Variants in KNSTRN observed in about 807,000 individuals in gnomAD.
KNSTRN encodes the protein kinetochore localized astrin (SPAG5) binding protein, also known as small kinetochore-associated protein.
KNSTRN carries 38 observed loss-of-function variants against 44.7 expected under a neutral mutation model. The ratio of observed to expected loss-of-function variants is 0.85; its 90% confidence interval spans 0.66 to 1.11. The LOEUF is 1.11. Among genes scored for constraint, KNSTRN ranks in the 50% most tolerant of loss-of-function variants. The probability of loss-of-function intolerance (pLI) is 0.00; values close to 1 mark genes in which losing one functional copy is unlikely to be tolerated. For synonymous variants in KNSTRN, 158 were observed against 148.1 expected, an observed-to-expected ratio of 1.07 and a Z score of -0.48; for missense variants, 406 against 375.8, an observed-to-expected ratio of 1.08 and a Z score of -0.66.
rs1347807675 is a variant in KNSTRN at position 40,389,902 on chromosome 15, A to G, written c.658A>G (p.Ile220Val). Residue 220 changes from isoleucine to valine, a missense_variant, in exon 6 of 9, where the codon ATT (isoleucine) becomes GTT (valine). Ile to Val is a conservative substitution (Grantham distance 29). Coordinates refer to ENST00000249776, the MANE Select transcript of KNSTRN (RefSeq NM_033286.4). ...GAAGTTTCGGGACAACTGTTTGGCA[A>G]TTTTGGAGAGCAAGGGCCTTGATCC... is the stretch of plus-strand genomic sequence containing the variant. Reference protein sequence around the residue: ...LEKFRDNCLAILESKGLDPAL... With the variant: ...LEKFRDNCLAVLESKGLDPAL... 2 of 1,614,066 alleles carry G rather than the reference A, an allele frequency of 1.2e-6. No individual in the cohort carries two copies. Among genetic ancestry groups the G allele is most frequent in the African/African-American group, 1.3e-5 (1 of 74,946 alleles).
rs1890042616 is a variant in KNSTRN, at chr15:40,393,661, C to T, written c.*64C>T. 1 of 1,461,550 alleles carries T rather than the reference C, an allele frequency of 6.8e-7. No individual in the cohort carries two copies. The highest frequency in any genetic ancestry group is 9.4e-7 in the Non-Finnish European group (1 of 1,062,846). 90.5% of individuals were successfully genotyped at this position (1,461,550 alleles called of 1,614,324 possible). A position where few individuals can be genotyped will look rare whatever the true frequency, so the allele number is the denominator to read the frequency against. On this transcript the variant is annotated 3_prime_UTR_variant, in exon 9 of 9. Transcript: ENST00000249776. ...AAATCTCAGAGGAAGCTACTTAGGA[C>T]ATCATCTTGGCCATGATCTTCTGGG...
chr15:40,389,502 A>G lies in KNSTRN; in HGVS notation c.486-4A>G. 6.8e-6 allele frequency: 11 copies of G among 1,608,264 alleles called. No individual in the cohort carries two copies. Among genetic ancestry groups the G allele is most frequent in the African/African-American group, 1.3e-5 (1 of 74,920 alleles). On this transcript the variant is annotated splice_region_variant and splice_polypyrimidine_tract_variant and intron_variant, in intron 4 of 8. Transcript: ENST00000249776. ...TTTTCATGTAAGTACAACTATTATTACAGCTACAAACCACTGAGTAAGCAA... is the reference window on the plus strand; with the variant it reads ...TTTTCATGTAAGTACAACTATTATTGCAGCTACAAACCACTGAGTAAGCAA...
chr15:40,393,306 G>C, intron 8 of KNSTRN, 163 bp from the exon 9 acceptor site: 1 of 1,608,948 alleles, frequency 6.2e-7, no homozygotes, highest in Non-Finnish European at 8.5e-7. Context: ...CCTAAAACCA[G>C]TGCATAGAAA....
chr15:40,388,253 G>A (rs144992560), intron 4 of KNSTRN, among the ~76,000 whole-genome samples: 1,882 of 152,312 alleles, frequency 0.012, 37 homozygotes, highest in African/African-American at 0.043. Flanking sequence ...CAGCAAACCA[G>A]TCATTAGCAT....
chr15:40,390,619 CTT>C (rs1049307817), intron 6 of KNSTRN, among the ~76,000 whole-genome samples: 2 of 145,112 alleles, frequency 1.4e-5, no homozygotes, highest in Admixed American at 6.9e-5. Context: ...TGAGGATATT[CTT>C]TTTTTTTTTT....
chr15:40,384,047 C>T, intron 2 of KNSTRN: 1 of 163,666 alleles, frequency 6.1e-6, no homozygotes, highest in South Asian at 1.4e-4. Flanking sequence ...CCAGATGATT[C>T]CACTCAGCTG....
In KNSTRN at chr15:40,383,038, C is replaced by T. The variant is rs1366230070; in HGVS notation, c.203C>T (p.Ala68Val). The change falls in exon 1 of 9, where the codon GCT becomes GTT. Residue 68 changes from alanine to valine, a missense_variant. Transcript: ENST00000249776. ...SEKDCGQDRR[A>V]PGVQPCRLVT... ...AAGGACTGCGGGCAGGACCGGCGGG[C>T]TCCTGGGTTCGGCTCTCCCGGGGCG... 4 of 1,610,312 alleles carry T rather than the reference C, an allele frequency of 2.5e-6. No homozygotes were observed. Among genetic ancestry groups the T allele is most frequent in the African/African-American group, 2.7e-5 (2 of 74,880 alleles).
chr15:40,393,282 C>G, intron 8 of KNSTRN, 187 bp from the exon 9 acceptor site: 6 of 1,607,356 alleles, frequency 3.7e-6, no homozygotes, highest in Non-Finnish European at 5.1e-6. Context: ...CTCTCTACTA[C>G]TAGAGGGACA....
At chr15:40,383,416 G>T in intron 2 of KNSTRN, 94 bp downstream of exon 2, 1 of 961,740 alleles carries the variant, frequency 1.0e-6, no homozygotes, top group Non-Finnish European at 1.6e-6. Flanking sequence ...CACGGGGAAG[G>T]GCGTCCCGTC....
In KNSTRN at chr15:40,392,030, G is replaced by C. The variant is rs1890007317; in HGVS notation, c.822+7G>C. 6.2e-7 allele frequency: 1 copy of C among 1,602,120 alleles called. No homozygotes were observed. Among genetic ancestry groups the C allele is most frequent in the Non-Finnish European group, 8.5e-7 (1 of 1,173,310 alleles). Reference sequence around the variant, plus strand: ...GCAGATGGAGGAGTTACAGGTGAGAGGCAGACATCACCCTGACCATTTCCT... The same window carrying C: ...GCAGATGGAGGAGTTACAGGTGAGACGCAGACATCACCCTGACCATTTCCT... On this transcript the variant is annotated splice_region_variant and intron_variant, in intron 8 of 8. Transcript: ENST00000249776.
chr15:40,386,613 T>C (rs1175218765), intron 3 of KNSTRN, 119 bp downstream of exon 3: 17 of 1,049,390 alleles, frequency 1.6e-5, no homozygotes, highest in Non-Finnish European at 2.4e-5. Flanking sequence ...CTTCAATCAG[T>C]GGCCCAGAGC....
chr15:40,391,912 A>G (rs1462128180), intron 7 of KNSTRN, 37 bp from the exon 8 acceptor site: 13 of 1,537,758 alleles, frequency 8.5e-6, no homozygotes, highest in Non-Finnish European at 1.2e-5. Context: ...CTGGTTTTAT[A>G]TGAAGATTTG....
chr15:40,384,559 C>G (rs1270044446), intron 2 of KNSTRN: 3 of 450,114 alleles, frequency 6.7e-6, no homozygotes, highest in Non-Finnish European at 1.3e-5. Context: ...ATGCGGTGCC[C>G]CTGAGTCAGT....
intron 3 of KNSTRN, chr15:40,386,750 T>C: frequency 1.9e-6 from 1 of 528,648 alleles, no homozygotes; most frequent in South Asian, 2.3e-5. Flanking sequence ...GTGGCAGCAC[T>C]GTAGTCATAC....
chr15:40,384,373 CA>C (rs143882095), intron 2 of KNSTRN: 50,941 of 336,700 alleles, frequency 0.15, 1,628 homozygotes, highest in Non-Finnish European at 0.19. Context: ...GACTCCGTCT[CA>C]AAAAAAAAAA....
At position 40,382,859 on chromosome 15, in the gene KNSTRN, C is replaced by A; in HGVS notation, c.24C>A (p.Pro8=). 6.2e-7 allele frequency: 1 copy of A among 1,611,960 alleles called. No homozygotes were observed. Among genetic ancestry groups the A allele is most frequent in the South Asian group, 1.1e-5 (1 of 90,976 alleles). The change falls in exon 1 of 9, where the codon CCC becomes CCA. Residue 8 remains proline (P), a synonymous_variant. Coordinates refer to ENST00000249776, the MANE Select transcript of KNSTRN (RefSeq NM_033286.4). MAAPEAP[P]LDRVFRTTWL... ...GTATGGCGGCTCCCGAAGCCCCGCC[C>A]CTGGACAGAGTTTTCCGTACAACAT...
chr15:40,387,785 A>T (rs1889927161), intron 4 of KNSTRN, among the ~76,000 whole-genome samples: 2 of 152,206 alleles, frequency 1.3e-5, no homozygotes, highest in Admixed American at 1.3e-4. Context: ...AGGTGGGTGG[A>T]TCACCTGAGG....
rs11541644 is a variant in KNSTRN, at chr15:40,391,537, G to T, written c.730G>T (p.Asp244Tyr). 6.2e-7 allele frequency: 1 copy of T among 1,613,854 alleles called. No homozygotes were observed. The highest frequency in any genetic ancestry group is 1.1e-5 in the South Asian group (1 of 91,048). ...GGCATCACGACAAGAATCCACTACT[G>T]ATCACATGGACTCTATGGTGAGGGC... ...TLASRQESTT[D>Y]HMDSMLLLET... The change falls in exon 7 of 9, where the codon GAT becomes TAT. Residue 244 changes from aspartate to tyrosine, a missense_variant. Physicochemically the swap from Asp to Tyr is radical, Grantham distance 160. Transcript: ENST00000249776.
At chr15:40,389,769 G>A (rs1221536795) in intron 5 of KNSTRN, 67 bp from the exon 6 acceptor site, 107 of 1,497,918 alleles carry the variant, frequency 7.1e-5, no homozygotes, top group Non-Finnish European at 9.8e-5. Context: ...AAGAGCAAGG[G>A]CAAGAAAGGG....
Sources: gnomAD v4.1 joint callset for allele counts (sites outside exome capture counted in the v4.1 genomes callset) on GRCh38, gnomAD v4.1.1 for gene constraint, MANE v1.5 for transcripts, NCBI Gene and HGNC (gene_info 2026-07-23, HGNC 2026-07-21) for gene names.